RABGEF1: variants seen among roughly 807,000 people sequenced by gnomAD.
RABGEF1 encodes the protein rab5 GDP/GTP exchange factor.
Under a neutral mutation model 57.3 loss-of-function variants are expected in RABGEF1, and 26 were observed. The ratio of observed to expected loss-of-function variants is 0.45; its 90% CI spans 0.33 to 0.63. RABGEF1 has a LOEUF of 0.63. RABGEF1 is among the 20% of genes least tolerant of loss of function. The pLI is 0.02. For missense variants in RABGEF1, 464 were observed against 607.6 expected, an observed-to-expected ratio of 0.76 and a Z score of 2.48; for synonymous variants, 185 against 210.7, an observed-to-expected ratio of 0.88 and a Z score of 1.06.
intron 2 of RABGEF1, among the ~76,000 whole-genome samples, chr7:66,734,406 G>A (rs983455236): frequency 5.9e-5 from 9 of 152,006 alleles, no homozygotes; most frequent in African/African-American, 1.9e-4. Flanking sequence ...CTGTTTCCTC[G>A]TCTATGAAGC....
At chr7:66,787,336 A>ATTTT (rs973607816) in intron 4 of RABGEF1, among the ~76,000 whole-genome samples, 3 of 88,114 alleles carry the variant, frequency 3.4e-5, no homozygotes, top group East Asian at 3.2e-4. Flanking sequence ...GCCTGGCCTG[A>ATTTT]TTTTTTTTTT....
At chr7:66,667,553 G>A in the RABGEF1 span, 2 of 151,772 alleles carry the variant, frequency 1.3e-5, no homozygotes, top group Non-Finnish European at 2.9e-5. Context: ...ACCGAGCCCT[G>A]ACACTGACAG....
chr7:66,737,443 AG>A (rs1168180146), upstream of RABGEF1, among the ~76,000 whole-genome samples: 4 of 139,288 alleles, frequency 2.9e-5, no homozygotes, highest in Admixed American at 1.4e-4. Flanking sequence ...GAGACTGGGT[AG>A]GGGGGGGCAG....
At chr7:66,786,551 A>G (rs1198741846) in intron 4 of RABGEF1, among the ~76,000 whole-genome samples, 1 of 152,086 alleles carries the variant, frequency 6.6e-6, no homozygotes, top group Non-Finnish European at 1.5e-5. Context: ...CTAGTGGCAC[A>G]CACCACCATG....
intron 2 of RABGEF1, among the ~76,000 whole-genome samples, chr7:66,772,856 G>A (rs1807492540): frequency 6.6e-6 from 1 of 151,470 alleles, no homozygotes; most frequent in Non-Finnish European, 1.5e-5. Flanking sequence ...AGGTTGCAGT[G>A]AGCTGAGATC....
At chr7:66,734,625 G>A (rs1797726832) in intron 2 of RABGEF1, among the ~76,000 whole-genome samples, 1 of 144,084 alleles carries the variant, frequency 6.9e-6, no homozygotes, top group Non-Finnish European at 1.5e-5. Flanking sequence ...TTTTAGTAGA[G>A]ATGAGCCATG....
the RABGEF1 span, among the ~76,000 whole-genome samples, chr7:66,668,161 A>G: frequency 1.3e-5 from 2 of 152,192 alleles, no homozygotes; most frequent in Non-Finnish European, 2.9e-5. Context: ...ACAGTGGTGC[A>G]AATATAGCTC....
At chr7:66,654,702 C>G in the RABGEF1 span, 1 of 152,614 alleles carries the variant, frequency 6.6e-6, no homozygotes, top group Non-Finnish European at 1.5e-5. Flanking sequence ...CGTCTCGGGC[C>G]GTGGGCGGCG....
chr7:66,681,934 C>T (rs1315650926), upstream of RABGEF1, among the ~76,000 whole-genome samples: 3 of 152,162 alleles, frequency 2.0e-5, no homozygotes, highest in African/African-American at 7.2e-5. Flanking sequence ...TCCGGGGCTC[C>T]CCAGCGCCCC....
intron 1 of RABGEF1, among the ~76,000 whole-genome samples, chr7:66,694,925 G>A (rs957477486): frequency 5.9e-5 from 9 of 152,146 alleles, no homozygotes; most frequent in East Asian, 1.9e-4. Flanking sequence ...GCCTGGTTCC[G>A]GACATGCTGG....
rs1789175962 is a variant in RABGEF1 at position 66,809,472 on chromosome 7, T to C, written c.*188T>C. On this transcript the variant is annotated 3_prime_UTR_variant, in exon 9 of 9. Coordinates refer to ENST00000284957, the MANE Select transcript of RABGEF1 (RefSeq NM_014504.3). ...TTAGTTAATAATAAAATACTACTTA[T>C]TTGAGTTACTGATACAGATTCATTT... 1.8e-6 allele frequency: 1 copy of C among 550,004 alleles called. No homozygotes were observed. The highest frequency in any genetic ancestry group is 3.0e-6 in the Non-Finnish European group (1 of 337,052). The allele number at this position is 550,004 out of a possible 1,614,324, so 34.1% of individuals were successfully genotyped here.
chr7:66,661,992 GTA>G, the RABGEF1 span, among the ~76,000 whole-genome samples: 1 of 152,238 alleles, frequency 6.6e-6, no homozygotes, highest in Non-Finnish European at 1.5e-5. Flanking sequence ...GCCCACGCCT[GTA>G]ATCTCAGCAC....
intron 1 of RABGEF1, among the ~76,000 whole-genome samples, chr7:66,749,460 A>G (rs1282829067): frequency 1.3e-5 from 2 of 152,230 alleles, no homozygotes; most frequent in Non-Finnish European, 2.9e-5. Context: ...TAGTGACCAA[A>G]GTTTTGAATA....
At chr7:66,762,987 ACACT>A (rs1272929049) in intron 1 of RABGEF1, among the ~76,000 whole-genome samples, 1 of 152,176 alleles carries the variant, frequency 6.6e-6, no homozygotes, top group Non-Finnish European at 1.5e-5. Context: ...GCAGTTTAAA[ACACT>A]CATTTATTTT....
At chr7:66,695,031 C>T (rs931594176) in intron 1 of RABGEF1, among the ~76,000 whole-genome samples, 1 of 151,996 alleles carries the variant, frequency 6.6e-6, no homozygotes. Flanking sequence ...ACCTTGAGGC[C>T]CTGGGTGCGG....
chr7:66,781,909 CTGTT>C (rs1398697606), intron 3 of RABGEF1, among the ~76,000 whole-genome samples: 1 of 152,218 alleles, frequency 6.6e-6, no homozygotes, highest in Admixed American at 6.5e-5. Context: ...AGGACAGACT[CTGTT>C]TGTTTCCCTT....
intron 1 of RABGEF1, among the ~76,000 whole-genome samples, chr7:66,701,807 C>G (rs922781076): frequency 6.6e-6 from 1 of 152,112 alleles, no homozygotes; most frequent in African/African-American, 2.4e-5. Flanking sequence ...ATTCTGGATA[C>G]AAGTTCTTTA....
intron 1 of RABGEF1, among the ~76,000 whole-genome samples, chr7:66,749,906 G>C (rs913137960): frequency 1.3e-5 from 2 of 152,084 alleles, no homozygotes; most frequent in African/African-American, 4.8e-5. Flanking sequence ...CCTGGGAGGC[G>C]GAGCTTGCAG....
chr7:66,799,129 G>A (rs1786705461), intron 6 of RABGEF1, among the ~76,000 whole-genome samples, 194 bp from the exon 7 acceptor site: 4 of 152,174 alleles, frequency 2.6e-5, no homozygotes, highest in Admixed American at 2.0e-4. Context: ...TGTGATAAAT[G>A]CAGAAGTCTC....
Sources: allele counts gnomAD v4.1 joint callset (sites outside exome capture counted in the v4.1 genomes callset), GRCh38; gene constraint gnomAD v4.1.1; transcripts MANE v1.5; gene names NCBI Gene and HGNC (gene_info 2026-07-23, HGNC 2026-07-21).